RYR3: variants seen among roughly 807,000 people sequenced by gnomAD.
RYR3 encodes the protein brain ryanodine receptor-calcium release channel.
Under a neutral mutation model 584.3 loss-of-function variants are expected in RYR3, and 207 were observed. The ratio of observed to expected loss-of-function variants is 0.35; its 90% CI spans 0.32 to 0.40. The LOEUF (loss-of-function observed/expected upper bound fraction) is 0.40. Ranked by LOEUF, RYR3 falls within the 10% of genes least tolerant of loss-of-function variation. The pLI is 1.00. For synonymous variants in RYR3, 2,416 were observed against 2,248.5 expected (o/e 1.07, Z -2.11); for missense variants, 5,616 against 6,089.2 (o/e 0.92, Z 2.59).
At position 33,426,670 on chromosome 15, in the gene RYR3, C is replaced by T. The variant is rs1361303890; in HGVS notation, c.52-46749C>T. On this transcript the variant is annotated intron_variant, in intron 1 of 103. Coordinates refer to ENST00000634891, the MANE Select transcript of RYR3 (RefSeq NM_001036.6). ...TGAGGCTGGTAGTTAAGTATATTAC[C>T]AGCTGATTAGTGGCAGAACCAGGAT... 4.6e-5 allele frequency among the ~76,000 whole-genome samples: 7 copies of T among 152,088 alleles called. No homozygotes were observed. In the East Asian group the frequency reaches 7.7e-4, roughly 17 times the overall value.
At position 33,837,657 on chromosome 15, in the gene RYR3, A is replaced by T; in HGVS notation, c.11677A>T (p.Lys3893Ter). 1 of 1,597,722 alleles carries T rather than the reference A, an allele frequency of 6.3e-7. No individual in the cohort carries two copies. The highest frequency in any genetic ancestry group is 8.5e-7 in the Non-Finnish European group (1 of 1,171,276). Reference protein sequence around the residue: ...EGNVVNGTIGKQMVDTLVESS... With the variant: ...EGNVVNGTIG The stretch of plus-strand genomic sequence containing the variant: ...GAATGTGGTAAATGGCACCATTGGC[A>T]AGCAGATGGTTGACACACTGGTAGA... Residue 3893 changes from lysine (K) to a stop codon, truncating the protein, a stop_gained, in exon 89 of 104, where the codon AAG becomes TAG. Transcript: ENST00000634891. LOFTEE classifies it high-confidence loss of function.
intron 2 of RYR3, among the ~76,000 whole-genome samples, chr15:33,482,229 T>C (rs1370772659): frequency 6.6e-6 from 1 of 152,162 alleles, no homozygotes; most frequent in East Asian, 1.9e-4. Context: ...TTATTTAGTT[T>C]TTTTTCTTCT....
chr15:33,628,654 A>G, intron 21 of RYR3, 79 bp downstream of exon 21: 1 of 883,558 alleles, frequency 1.1e-6, no homozygotes. Flanking sequence ...CTGCATGCCT[A>G]GTTTTCATTG....
chr15:33,641,181 A>G (rs149683383), intron 27 of RYR3, among the ~76,000 whole-genome samples: 30 of 152,358 alleles, frequency 2.0e-4, no homozygotes, highest in African/African-American at 7.2e-4. Context: ...GTTAGCTTAG[A>G]CGACAATTAG....
intron 92 of RYR3, 134 bp from the exon 93 acceptor site, chr15:33,844,728 C>T (rs2078602466): frequency 2.7e-6 from 2 of 751,688 alleles, no homozygotes; most frequent in African/African-American, 1.8e-5. Context: ...ACCTAAAAAC[C>T]TCATTCATTC....
intron 3 of RYR3, among the ~76,000 whole-genome samples, chr15:33,523,866 C>T (rs927058628): frequency 6.6e-6 from 1 of 151,942 alleles, no homozygotes; most frequent in Non-Finnish European, 1.5e-5. Context: ...AGTCAGGTAT[C>T]GTCAATAAAG....
intron 2 of RYR3, among the ~76,000 whole-genome samples, chr15:33,475,239 T>C (rs2049273307): frequency 6.6e-6 from 1 of 152,284 alleles, no homozygotes; most frequent in East Asian, 1.9e-4. Flanking sequence ...GGGAAGTGTG[T>C]TGACCTAAAT....
chr15:33,782,080 G>A (rs999276193), intron 65 of RYR3, among the ~76,000 whole-genome samples: 3 of 152,164 alleles, frequency 2.0e-5, no homozygotes, highest in Non-Finnish European at 2.9e-5. Context: ...CATTTATTCT[G>A]CTTCAACTGT....
At chr15:33,554,667 G>A (rs145934550) in intron 10 of RYR3, among the ~76,000 whole-genome samples, 2 of 152,246 alleles carry the variant, frequency 1.3e-5, no homozygotes, top group Non-Finnish European at 2.9e-5. Context: ...TCTCTTCCCA[G>A]TACACACCCA....
chr15:33,541,884 A>T (rs1456398826), intron 7 of RYR3, among the ~76,000 whole-genome samples: 2 of 152,250 alleles, frequency 1.3e-5, no homozygotes, highest in East Asian at 3.9e-4. Context: ...ATTGTCAGTC[A>T]ATCCCTTTCT....
At chr15:33,738,616 A>G in intron 50 of RYR3, 26 bp downstream of exon 50, 2 of 1,613,066 alleles carry the variant, frequency 1.2e-6, no homozygotes, top group South Asian at 1.1e-5. Flanking sequence ...TCTGAACAAA[A>G]AGAGAGCATC....
At position 33,859,721 on chromosome 15, in the gene RYR3, C is replaced by T. The variant is rs1395042861; in HGVS notation, c.14289C>T (p.Ala4763=). The T allele has an allele frequency of 6.2e-7, 1 of 1,608,516 alleles. No individual in the cohort carries two copies. Among genetic ancestry groups the T allele is most frequent in the Admixed American group, 1.7e-5 (1 of 59,098 alleles). The part of the protein sequence containing the change: ...FFFFVIVILL[A]IIQGLIIDAF... ...TCTTCGTCATTGTCATCTTGCTGGC[C>T]ATCATTCAAGGTATGATTGCCAATT... is the stretch of plus-strand genomic sequence containing the variant. Residue 4763 remains alanine (A), a synonymous_variant, in exon 100 of 104, where the codon GCC becomes GCT. Transcript: ENST00000634891.
At chr15:33,681,941 T>C (rs1238353831) in intron 38 of RYR3, among the ~76,000 whole-genome samples, 1 of 152,108 alleles carries the variant, frequency 6.6e-6, no homozygotes, top group Non-Finnish European at 1.5e-5. Context: ...ATAATGTACT[T>C]CATTGCGTGA....
At chr15:33,654,920 G>T (rs1595996049) in intron 32 of RYR3, among the ~76,000 whole-genome samples, 1 of 152,232 alleles carries the variant, frequency 6.6e-6, no homozygotes, top group East Asian at 1.9e-4. Flanking sequence ...GGAGAGAGGG[G>T]GTAAGGTAGA....
At position 33,722,741 on chromosome 15, in the gene RYR3, G is replaced by A. The variant is rs201633619; in HGVS notation, c.6646G>A (p.Val2216Ile). The part of the protein sequence containing the change: ...NSESVEENAS[V>I]VVKLLIRRPE... ...TGAGAGTGTGGAAGAAAACGCCAGC[G>A]TTGTGGTCAAGCTGCTCATCAGACG... The change falls in exon 44 of 104, where the codon GTT (valine) becomes ATT (isoleucine). Residue 2216 changes from valine (V) to isoleucine (I), a missense_variant. Coordinates refer to ENST00000634891, the MANE Select transcript of RYR3 (RefSeq NM_001036.6). 1.9e-5 allele frequency: 31 copies of A among 1,612,480 alleles called. No individual in the cohort carries two copies. In the African/African-American group the frequency reaches 2.1e-4, roughly 11 times the overall value.
chr15:33,675,450 G>T (rs1168245713), intron 38 of RYR3, among the ~76,000 whole-genome samples: 1 of 152,100 alleles, frequency 6.6e-6, no homozygotes, highest in East Asian at 1.9e-4. Context: ...CCCCCTATAG[G>T]CAATGGCTGT....
chr15:33,508,648 TCAAAACAAAA>T (rs913253952), intron 3 of RYR3, among the ~76,000 whole-genome samples: 2 of 152,052 alleles, frequency 1.3e-5, no homozygotes, highest in South Asian at 4.2e-4. Flanking sequence ...AGTCTCCATC[TCAAAACAAAA>T]CAAAACAAAA....
Position 33,548,164 on chromosome 15 carries a change from C to A in RYR3, c.775C>A (p.Arg259=), listed in dbSNP as rs751973008. 1.9e-6 allele frequency: 3 copies of A among 1,612,714 alleles called. No individual in the cohort carries two copies. Among genetic ancestry groups the A allele is most frequent in the Non-Finnish European group, 2.5e-6 (3 of 1,179,388 alleles). Residue 259 remains arginine, a synonymous_variant, in exon 9 of 104, where the codon CGA becomes AGA. Coordinates refer to ENST00000634891, the MANE Select transcript of RYR3 (RefSeq NM_001036.6). ...CTACGAAGCTGGGGGAGCTGGGACT[C>A]GAGCCAGGTCTCTTTGGAGAGTGGA... is the stretch of plus-strand genomic sequence containing the variant. The part of the protein sequence containing the change: ...IFYEAGGAGT[R]ARSLWRVEPL...
At chr15:33,401,209 C>A (rs903801360) in intron 1 of RYR3, among the ~76,000 whole-genome samples, 2 of 152,164 alleles carry the variant, frequency 1.3e-5, no homozygotes, top group African/African-American at 4.8e-5. Flanking sequence ...TCCTGAAGGG[C>A]AAGTGAGCTA....
Sources: allele counts gnomAD v4.1 joint callset (sites outside exome capture counted in the v4.1 genomes callset), GRCh38; gene constraint gnomAD v4.1.1; transcripts MANE v1.5; gene names NCBI Gene and HGNC (gene_info 2026-07-23, HGNC 2026-07-21).